The following XPC variants were observed in gnomAD, a reference collection of about 807,000 sequenced individuals.
XPC encodes XPC complex subunit, DNA damage recognition and repair factor, also known as DNA repair protein complementing XP-C cells.
XPC carries 76 observed loss-of-function variants against 95.8 expected under a neutral mutation model. The ratio of observed to expected loss-of-function variants is 0.79; its 90% CI spans 0.66 to 0.96. The LOEUF is 0.96. XPC is among the 40% of genes least tolerant of loss of function. The probability of loss-of-function intolerance (pLI) is 0.00; values close to 1 mark genes in which losing one functional copy is unlikely to be tolerated. For missense variants in XPC, 1,146 were observed against 1,179.8 expected (o/e 0.97, Z 0.42); for synonymous variants, 442 against 442.1 (o/e 1.00, Z 0.00).
At chr3:14,174,105 T>C (rs1026761104) in intron 1 of XPC, among the ~76,000 whole-genome samples, 1 of 152,180 alleles carries the variant, frequency 6.6e-6, no homozygotes, top group African/African-American at 2.4e-5. Flanking sequence ...GTTAATAAAA[T>C]TCATAACAAA....
chr3:14,162,491 T>C (rs1212578253), intron 7 of XPC, among the ~76,000 whole-genome samples: 1 of 152,188 alleles, frequency 6.6e-6, no homozygotes, highest in Non-Finnish European at 1.5e-5. Flanking sequence ...TTATGGCCAG[T>C]TGATTTTTGA....
rs1346001152 is a variant in XPC, at chr3:14,148,676, A to G, written c.2306T>C (p.Ile769Thr). The change falls in exon 13 of 16, where the codon ATT becomes ACT. Residue 769 changes from isoleucine to threonine, a missense_variant. By Grantham distance (89) the Ile-to-Thr change is moderately conservative. Coordinates refer to ENST00000285021, the MANE Select transcript of XPC (RefSeq NM_004628.5). ...GGGCAGGTTCAGCTGGACACAGCCA[A>G]TAGGCATCATGCTGGGCAGGAAGAG... ...VYLFLPSMMP[I>T]GCVQLNLPNL... The G allele has an allele frequency of 1.9e-6, 3 of 1,613,928 alleles. No individual in the cohort carries two copies. Among genetic ancestry groups the G allele is most frequent in the Non-Finnish European group, 2.5e-6 (3 of 1,179,904 alleles).
intron 11 of XPC, among the ~76,000 whole-genome samples, chr3:14,149,204 C>T (rs935082834): frequency 6.6e-6 from 1 of 152,146 alleles, no homozygotes; most frequent in Admixed American, 6.5e-5. Context: ...CTGCCTCAGC[C>T]TCCTGAGTAG....
rs776365985 is a variant in XPC, at chr3:14,158,219, G to T, written c.1664C>A (p.Pro555His). The T allele has an allele frequency of 8.1e-6, 13 of 1,613,882 alleles. No individual in the cohort carries two copies. The highest frequency in any genetic ancestry group is 1.7e-5 in the Admixed American group (1 of 60,012). Residue 555 changes from proline (P) to histidine (H), a missense_variant, in exon 9 of 16, where the codon CCT becomes CAT. By Grantham distance (77) the Pro-to-His change is moderately conservative. Transcript: ENST00000285021. The surrounding 1 kb of genome is among the most constrained non-coding windows in gnomAD (Gnocchi z 5.2). The stretch of plus-strand genomic sequence containing the variant: ...GGTGGCGTACTTGTAACAGGTCAGA[G>T]GCTGGCCCACCACACCGTGCACACA... ...VDCVHGVVGQ[P>H]LTCYKYATKP...
Position 14,172,997 on chromosome 3 carries a change from T to A in XPC, c.169A>T (p.Lys57Ter). ...CCCCCAGGATGACTGCAGCCTCTTT[T>A]CCTCTTTCCTTGTGAAACTTTGGAG... ...LLSKVSQGKR[K>*]RGCSHPGGSA... The change falls in exon 2 of 16, where the codon AAA becomes TAA. Residue 57 changes from lysine to a stop codon, truncating the protein, a stop_gained. Transcript: ENST00000285021. LOFTEE classifies it high-confidence loss of function. 6.2e-7 allele frequency: 1 copy of A among 1,612,048 alleles called. No individual in the cohort carries two copies. Among genetic ancestry groups the A allele is most frequent in the Non-Finnish European group, 8.5e-7 (1 of 1,179,166 alleles).
At chr3:14,154,051 G>A (rs1695804390) in intron 10 of XPC, among the ~76,000 whole-genome samples, 1 of 152,172 alleles carries the variant, frequency 6.6e-6, no homozygotes, top group South Asian at 2.1e-4. Context: ...AAACAGCAGG[G>A]AAATGGACAC....
At chr3:14,168,121 C>G in intron 4 of XPC, 136 bp downstream of exon 4, 1 of 1,233,544 alleles carries the variant, frequency 8.1e-7, no homozygotes, top group Non-Finnish European at 1.1e-6. Flanking sequence ...AAAGGTAAAT[C>G]AGGTTCCTGA....
At chr3:14,172,374 A>G (rs910059230) in intron 2 of XPC, among the ~76,000 whole-genome samples, 2 of 152,152 alleles carry the variant, frequency 1.3e-5, no homozygotes, top group African/African-American at 4.8e-5. Flanking sequence ...CCTCTGGAGT[A>G]GGTGGTTTCA....
At chr3:14,169,095 G>T (rs1489369852) in intron 3 of XPC, among the ~76,000 whole-genome samples, 1 of 152,174 alleles carries the variant, frequency 6.6e-6, no homozygotes, top group Non-Finnish European at 1.5e-5. Flanking sequence ...AAGAAAAAAA[G>T]GCTGGTTTCA....
At chr3:14,147,626 T>C (rs1695493599) in intron 14 of XPC, 2 of 601,912 alleles carry the variant, frequency 3.3e-6, no homozygotes, top group East Asian at 2.8e-5. Flanking sequence ...GGGTGAGGTC[T>C]TCCAGAACCT....
At chr3:14,174,663 A>T (rs1162289215) in intron 1 of XPC, among the ~76,000 whole-genome samples, 5 of 152,268 alleles carry the variant, frequency 3.3e-5, no homozygotes, top group Non-Finnish European at 2.9e-5. Flanking sequence ...AACTTATGGC[A>T]GAGCCACACA....
Position 14,156,355 on chromosome 3 carries a change from A to C in XPC, c.2013T>G (p.Arg671=). ...PETAAILGYC[R]GEAVYSRDCV... The stretch of plus-strand genomic sequence containing the variant: ...CGCACCTGGAGTAGACCGCTTCTCC[A>C]CGACAATACCCAAGGATGGCAGCTG... The change falls in exon 10 of 16, where the codon CGT becomes CGG. Residue 671 remains arginine (R), a synonymous_variant. Coordinates refer to ENST00000285021, the MANE Select transcript of XPC (RefSeq NM_004628.5). 2.5e-6 allele frequency: 4 copies of C among 1,613,828 alleles called. No individual in the cohort carries two copies. Among genetic ancestry groups the C allele is most frequent in the Non-Finnish European group, 3.4e-6 (4 of 1,179,800 alleles).
At position 14,164,851 on chromosome 3, in the gene XPC, C is replaced by G. The variant is rs778281904; in HGVS notation, c.862G>C (p.Ala288Pro). The part of the protein sequence containing the change: ...NLQTTLERRF[A>P]IYSARDDEEL... ...TCATCATCTCGAGCAGAGTAAATAG[C>G]AAATCTCCTTTCCAATGTAGTCTGC... Residue 288 changes from alanine (A) to proline (P), a missense_variant, in exon 7 of 16, where the codon GCT (alanine) becomes CCT (proline). Transcript: ENST00000285021. 37 of 1,613,160 alleles carry G rather than the reference C, an allele frequency of 2.3e-5. No individual in the cohort carries two copies. Among genetic ancestry groups the G allele is most frequent in the Non-Finnish European group, 3.1e-5 (36 of 1,179,618 alleles).
Position 14,145,553 on chromosome 3 carries a change from A to G in XPC, c.*388T>C. ...TCTAACTGGAAGAAACGATCAGCGC[A>G]TTCACGGATGCACCACCATCCAGAA... is the stretch of plus-strand genomic sequence containing the variant. On this transcript the variant is annotated 3_prime_UTR_variant, in exon 16 of 16. Coordinates refer to ENST00000285021, the MANE Select transcript of XPC (RefSeq NM_004628.5). 2 of 700,166 alleles carry G rather than the reference A, an allele frequency of 2.9e-6. No individual in the cohort carries two copies. Among genetic ancestry groups the G allele is most frequent in the Non-Finnish European group, 5.2e-6 (2 of 384,820 alleles). 43.4% of individuals were successfully genotyped at this position (700,166 alleles called of 1,614,324 possible). A position where few individuals can be genotyped will look rare whatever the true frequency, so the allele number is the denominator to read the frequency against.
chr3:14,146,436 C>T (rs1173283421), intron 15 of XPC, among the ~76,000 whole-genome samples: 1 of 152,186 alleles, frequency 6.6e-6, no homozygotes, highest in Non-Finnish European at 1.5e-5. Context: ...TAGGAGCACA[C>T]TGCCTCATCT....
chr3:14,174,744 T>C (rs1035432005), intron 1 of XPC, among the ~76,000 whole-genome samples: 1 of 152,160 alleles, frequency 6.6e-6, no homozygotes, highest in Non-Finnish European at 1.5e-5. Flanking sequence ...TCATGCAAAG[T>C]TGATTTTACA....
rs548675948 is a variant in XPC, at chr3:14,166,110, C to A, written c.622-525G>T. The stretch of plus-strand genomic sequence containing the variant: ...TTTGCCCTTCCTCTGACCCCAAAAC[C>A]CACCCTTCATCCACCTACTGAAATG... On this transcript the variant is annotated intron_variant, in intron 5 of 15. Transcript: ENST00000285021. 5.8e-4 allele frequency: 91 copies of A among 155,686 alleles called. No individual in the cohort carries two copies. The Middle Eastern group carries it at 0.01, about 17-fold the overall frequency. The allele number at this position is 155,686 out of a possible 1,614,324, so 9.6% of individuals were successfully genotyped here. A position where few individuals can be genotyped will look rare whatever the true frequency, so the allele number is the denominator to read the frequency against.
intron 7 of XPC, among the ~76,000 whole-genome samples, chr3:14,162,904 C>T (rs947212652): frequency 3.9e-5 from 6 of 152,172 alleles, no homozygotes; most frequent in Admixed American, 3.3e-4. Context: ...ATACAAGGAG[C>T]TCTTACAAAT....
At chr3:14,173,492 A>G (rs1004814659) in intron 1 of XPC, among the ~76,000 whole-genome samples, 2 of 152,206 alleles carry the variant, frequency 1.3e-5, no homozygotes, top group Admixed American at 1.3e-4. Context: ...CCACAACATC[A>G]TTACTATTAA....
Sources: allele counts gnomAD v4.1 joint callset (sites outside exome capture counted in the v4.1 genomes callset), GRCh38; gene constraint gnomAD v4.1.1; non-coding constraint Gnocchi (gnomAD v3.1); transcripts MANE v1.5; gene names NCBI Gene and HGNC (gene_info 2026-07-23, HGNC 2026-07-21).